Variants in ADGRB3 observed in about 807,000 individuals in gnomAD.
ADGRB3 encodes the protein brain-specific angiogenesis inhibitor 3.
In ADGRB3, 37 loss-of-function variants were observed where a neutral mutation model predicts 193.4. The observed-to-expected ratio is 0.19, with a 90% CI of 0.15 to 0.25. The LOEUF (loss-of-function observed/expected upper bound fraction) is 0.25, where lower values mean the gene tolerates loss of function less well. Ranked by LOEUF, ADGRB3 falls within the 10% of genes least tolerant of loss-of-function variation. The pLI is 1.00. For synonymous variants in ADGRB3, 690 were observed against 644.2 expected, an observed-to-expected ratio of 1.07 and a Z score of -1.08; for missense variants, 1,637 against 1,852.9, an observed-to-expected ratio of 0.88 and a Z score of 2.14.
At chr6:68,952,398 TTGTCTAGTTTTTTAAGTTAAATTTATA>T (rs1237900879) in intron 6 of ADGRB3, among the ~76,000 whole-genome samples, 1 of 152,132 alleles carries the variant, frequency 6.6e-6, no homozygotes, top group Non-Finnish European at 1.5e-5. Flanking sequence ...ATATAGTCTG[TTGTCTAGTTTTTTAAGTTAAATTTATA>T]TATTCATCTC....
At chr6:69,315,640 T>C (rs888932661) in intron 20 of ADGRB3, among the ~76,000 whole-genome samples, 5 of 151,448 alleles carry the variant, frequency 3.3e-5, no homozygotes, top group Admixed American at 3.3e-4. Context: ...CACCAAAATT[T>C]CTTTCCATAG....
In ADGRB3 at chr6:68,668,371, A is replaced by G. The variant is rs187767212; in HGVS notation, c.757+28939A>G. 1.2e-4 allele frequency among the ~76,000 whole-genome samples: 19 copies of G among 152,126 alleles called. No individual in the cohort carries two copies. In the East Asian group the frequency reaches 2.9e-3, roughly 23 times the overall value. ...TGTAGATTTTAGCCCTTCAAAATTG[A>G]CAGCACAGGAATTCATATTAGGAAG... On this transcript the variant is annotated intron_variant, in intron 3 of 31. Transcript: ENST00000370598.
At chr6:68,959,585 C>G (rs1768176498) in intron 8 of ADGRB3, among the ~76,000 whole-genome samples, 1 of 151,960 alleles carries the variant, frequency 6.6e-6, no homozygotes, top group Non-Finnish European at 1.5e-5. Flanking sequence ...GATTAATCAT[C>G]TGGATCTAAT....
intron 3 of ADGRB3, among the ~76,000 whole-genome samples, chr6:68,812,826 C>T (rs1466672893): frequency 1.3e-5 from 2 of 148,746 alleles, no homozygotes; most frequent in African/African-American, 5.0e-5. Context: ...CCTCCCCTAG[C>T]CCCCCAACCC....
At chr6:68,766,797 G>A (rs1766515262) in intron 3 of ADGRB3, among the ~76,000 whole-genome samples, 1 of 151,986 alleles carries the variant, frequency 6.6e-6, no homozygotes, top group African/African-American at 2.4e-5. Flanking sequence ...TTATAAAAAA[G>A]TTGCAGCTTA....
chr6:69,262,531 T>C (rs1372795425), intron 20 of ADGRB3, among the ~76,000 whole-genome samples: 2 of 152,022 alleles, frequency 1.3e-5, no homozygotes, highest in Non-Finnish European at 2.9e-5. Flanking sequence ...AAACCTATCA[T>C]TTATTGGCAA....
intron 17 of ADGRB3, among the ~76,000 whole-genome samples, chr6:69,127,320 T>A: frequency 6.6e-6 from 1 of 152,340 alleles, no homozygotes; most frequent in South Asian, 2.1e-4. Flanking sequence ...CCAAACCAAA[T>A]TATGTCTTCG....
chr6:68,764,660 C>G (rs1766474117), intron 3 of ADGRB3, among the ~76,000 whole-genome samples: 1 of 151,992 alleles, frequency 6.6e-6, no homozygotes, highest in African/African-American at 2.4e-5. Flanking sequence ...GAGATGGAAG[C>G]CTTTTAAAAT....
intron 3 of ADGRB3, among the ~76,000 whole-genome samples, chr6:68,913,244 A>G (rs1205928084): frequency 1.3e-5 from 2 of 152,188 alleles, no homozygotes; most frequent in African/African-American, 4.8e-5. Context: ...TGCCTCCTCA[A>G]GTGGGTCCCT....
chr6:69,345,763 G>T (rs1390363009), intron 26 of ADGRB3, among the ~76,000 whole-genome samples: 2 of 151,984 alleles, frequency 1.3e-5, no homozygotes, highest in African/African-American at 4.8e-5. Context: ...AGGGCAATTG[G>T]GCAAGAGAAA....
intron 30 of ADGRB3, among the ~76,000 whole-genome samples, chr6:69,374,113 T>C (rs1446375383): frequency 6.6e-6 from 1 of 152,066 alleles, no homozygotes; most frequent in Non-Finnish European, 1.5e-5. Context: ...TTAATTGCTG[T>C]AATCACTGCA....
chr6:68,989,955 TGAGA>T (rs935207481), intron 10 of ADGRB3, among the ~76,000 whole-genome samples: 34 of 152,184 alleles, frequency 2.2e-4, no homozygotes, highest in African/African-American at 8.2e-4. Context: ...AATTTTTTTT[TGAGA>T]GAGAAATATT....
chr6:68,638,688 C>G lies in ADGRB3; in HGVS notation c.13C>G (p.Arg5Gly). 6.2e-7 allele frequency: 1 copy of G among 1,613,108 alleles called. No homozygotes were observed. Among genetic ancestry groups the G allele is most frequent in the South Asian group, 1.1e-5 (1 of 90,990 alleles). The change falls in exon 3 of 32, where the codon CGT (arginine) becomes GGT (glycine). Residue 5 changes from arginine to glycine, a missense_variant. Physicochemically the swap from Arg to Gly is moderately radical, Grantham distance 125. Coordinates refer to ENST00000370598, the MANE Select transcript of ADGRB3 (RefSeq NM_001704.3). Reference protein sequence around the residue: MKAVRNLLIYIFSTY... With the variant: MKAVGNLLIYIFSTY... ...CAAATGACATAGGATGAAGGCTGTTCGTAACCTGCTGATTTATATATTTTC... is the reference window on the plus strand; with the variant it reads ...CAAATGACATAGGATGAAGGCTGTTGGTAACCTGCTGATTTATATATTTTC...
At chr6:69,173,648 T>C (rs1486014006) in intron 17 of ADGRB3, among the ~76,000 whole-genome samples, 4 of 151,532 alleles carry the variant, frequency 2.6e-5, no homozygotes, top group African/African-American at 9.8e-5. Context: ...CCTTGTAGCA[T>C]TGTTTTTTTT....
At chr6:69,219,491 A>G (rs1457944625) in intron 17 of ADGRB3, among the ~76,000 whole-genome samples, 1 of 141,752 alleles carries the variant, frequency 7.1e-6, no homozygotes, top group African/African-American at 2.6e-5. Context: ...ATATATATAT[A>G]TACGTGTGTG....
At chr6:68,734,868 T>A (rs972920187) in intron 3 of ADGRB3, among the ~76,000 whole-genome samples, 2 of 152,014 alleles carry the variant, frequency 1.3e-5, no homozygotes, top group African/African-American at 4.8e-5. Context: ...AGGAGATCAG[T>A]TTGTGAGGTC....
At chr6:68,797,033 A>G (rs568404350) in intron 3 of ADGRB3, among the ~76,000 whole-genome samples, 2 of 152,306 alleles carry the variant, frequency 1.3e-5, no homozygotes, top group East Asian at 3.9e-4. Flanking sequence ...TATGGTTAAA[A>G]TGTCTACATT....
At chr6:68,727,877 G>T (rs1354620682) in intron 3 of ADGRB3, among the ~76,000 whole-genome samples, 1 of 151,482 alleles carries the variant, frequency 6.6e-6, no homozygotes, top group East Asian at 1.9e-4. Flanking sequence ...TCCTCAATCA[G>T]CTGACATAAA....
intron 8 of ADGRB3, among the ~76,000 whole-genome samples, chr6:68,958,884 T>TAATA (rs1459004824): frequency 4.6e-5 from 7 of 151,230 alleles, no homozygotes; most frequent in African/African-American, 1.5e-4. Flanking sequence ...TGTGTGTGTG[T>TAATA]GTGTGTGTGT....
Sources: allele counts gnomAD v4.1 joint callset (sites outside exome capture counted in the v4.1 genomes callset), GRCh38; gene constraint gnomAD v4.1.1; transcripts MANE v1.5; gene names NCBI Gene and HGNC (gene_info 2026-07-23, HGNC 2026-07-21).